The following OLFM3 variants were observed in gnomAD, a reference collection of about 807,000 sequenced individuals.
OLFM3 encodes noelin-3.
OLFM3 carries 20 observed loss-of-function variants against 48.6 expected under a neutral mutation model. The observed-to-expected ratio is 0.41, with a 90% CI of 0.29 to 0.60. The LOEUF (loss-of-function observed/expected upper bound fraction) is 0.60, where lower values mean the gene tolerates loss of function less well. OLFM3 is among the 20% of genes least tolerant of loss of function. OLFM3 has a pLI of 0.28. For missense variants in OLFM3, 437 were observed against 544.3 expected (o/e 0.80, Z 1.96); for synonymous variants, 222 against 198.1 (o/e 1.12, Z -1.01).
chr1:101,831,586 A>G (rs576838554), intron 2 of OLFM3, among the ~76,000 whole-genome samples: 1 of 152,332 alleles, frequency 6.6e-6, no homozygotes, highest in African/African-American at 2.4e-5. Context: ...GAAAACAAAG[A>G]GAAAGCATCT....
chr1:101,943,519 C>A lies in OLFM3; in HGVS notation c.69+53229G>T, dbSNP rs367951524. On this transcript the variant is annotated intron_variant, in intron 1 of 5. Transcript: ENST00000370103. ...TAACTTCAGGTACCTCCTTATTTCT[C>A]AAAAAATATACAAGTTAAACACAAG... 3.4e-4 allele frequency among the ~76,000 whole-genome samples: 52 copies of A among 152,228 alleles called. 1 individual carries two copies. The highest frequency in any genetic ancestry group is 1.2e-3 in the African/African-American group (51 of 41,524).
intron 1 of OLFM3, among the ~76,000 whole-genome samples, chr1:101,942,104 T>C (rs1043333245): frequency 2.0e-5 from 3 of 152,196 alleles, no homozygotes; most frequent in Non-Finnish European, 4.4e-5. Context: ...TAGCTATAAG[T>C]ATAAAAGCCC....
At chr1:101,915,805 T>C (rs1160639721) in intron 1 of OLFM3, among the ~76,000 whole-genome samples, 2 of 152,146 alleles carry the variant, frequency 1.3e-5, no homozygotes, top group Non-Finnish European at 2.9e-5. Context: ...AATAGATCAT[T>C]GTAATATCCT....
chr1:101,844,844 G>T (rs946048021), intron 1 of OLFM3, among the ~76,000 whole-genome samples: 1 of 152,128 alleles, frequency 6.6e-6, no homozygotes, highest in Non-Finnish European at 1.5e-5. Flanking sequence ...GCTAAAAATA[G>T]TATGAACATA....
chr1:101,960,410 T>C (rs115759374), intron 1 of OLFM3, among the ~76,000 whole-genome samples: 13 of 152,278 alleles, frequency 8.5e-5, no homozygotes, highest in Admixed American at 6.5e-4. Context: ...CAGAGGGTAA[T>C]CTAGGTCAAG....
At chr1:101,984,028 T>C (rs567119751) in intron 1 of OLFM3, among the ~76,000 whole-genome samples, 16 of 152,246 alleles carry the variant, frequency 1.1e-4, no homozygotes, top group African/African-American at 3.4e-4. Flanking sequence ...AGTGGGCAGA[T>C]CACTTGAGGT....
At position 101,802,866 on chromosome 1, in the gene OLFM3, T is replaced by C. The variant is rs1267512574; in HGVS notation, c.*1372A>G. The C allele has an allele frequency of 2.0e-5, 3 of 151,688 alleles. No individual in the cohort carries two copies. Among genetic ancestry groups the C allele is most frequent in the Non-Finnish European group, 3.0e-5 (2 of 67,728 alleles). The allele number at this position is 151,688 out of a possible 1,614,324, so 9.4% of individuals were successfully genotyped here. ...CTGCCTTAGGGAACTATTTTTTTAA[T>C]ATGTGGAAAATACATCCAAACTCAA... is the stretch of plus-strand genomic sequence containing the variant. On this transcript the variant is annotated 3_prime_UTR_variant, in exon 6 of 6. Transcript: ENST00000370103.
In OLFM3 at chr1:101,859,373, G is replaced by A. The variant is rs901314098; in HGVS notation, c.70-22348C>T. ...AGAGTAGTTAGGCGGCCATTTCAGC[G>A]TCAGCATAAGAAATAACAGAAAGAC... is the stretch of plus-strand genomic sequence containing the variant. On this transcript the variant is annotated intron_variant, in intron 1 of 5. Transcript: ENST00000370103. Among the ~76,000 whole-genome samples the A allele has an allele frequency of 8.5e-5, 13 of 152,152 alleles. 1 individual carries two copies. The highest frequency in any genetic ancestry group is 2.2e-4 in the African/African-American group (9 of 41,444).
chr1:101,884,126 T>A (rs72987980), intron 1 of OLFM3, among the ~76,000 whole-genome samples: 1,703 of 152,036 alleles, frequency 0.011, 23 homozygotes, highest in Middle Eastern at 0.027. Context: ...CTATGGACTT[T>A]CTGGAGCCCC....
chr1:101,976,556 A>G (rs563243656), intron 1 of OLFM3, among the ~76,000 whole-genome samples: 1 of 152,322 alleles, frequency 6.6e-6, no homozygotes, highest in East Asian at 1.9e-4. Context: ...TGTGTTTTAG[A>G]TACCGACAGA....
intron 1 of OLFM3, among the ~76,000 whole-genome samples, chr1:101,855,340 T>A (rs1656372481): frequency 6.6e-6 from 1 of 152,050 alleles, no homozygotes; most frequent in Admixed American, 6.6e-5. Flanking sequence ...GTGAAATATG[T>A]TCGCTGAAGT....
intron 1 of OLFM3, among the ~76,000 whole-genome samples, chr1:101,862,085 TAAG>T (rs1408991408): frequency 1.3e-5 from 2 of 152,160 alleles, no homozygotes; most frequent in East Asian, 3.9e-4. Flanking sequence ...AGGCCAGAGT[TAAG>T]AAGTGGACTC....
At chr1:101,958,543 T>A (rs1660368678) in intron 1 of OLFM3, among the ~76,000 whole-genome samples, 1 of 152,090 alleles carries the variant, frequency 6.6e-6, no homozygotes, top group Non-Finnish European at 1.5e-5. Flanking sequence ...GCATACAGAT[T>A]AGCTGCATCG....
chr1:101,910,219 C>T, intron 1 of OLFM3: 11 of 763,122 alleles, frequency 1.4e-5, no homozygotes, highest in Non-Finnish European at 1.8e-5. Context: ...GTAATCCCAG[C>T]ACTTTGGGAG....
intron 1 of OLFM3, among the ~76,000 whole-genome samples, chr1:101,982,483 A>T (rs565602022): frequency 7.9e-5 from 12 of 152,130 alleles, no homozygotes; most frequent in Admixed American, 1.3e-4. Context: ...GGTTAATTTT[A>T]TGTGTTAACT....
chr1:101,810,637 G>A (rs1226045590), intron 4 of OLFM3, among the ~76,000 whole-genome samples: 1 of 151,902 alleles, frequency 6.6e-6, no homozygotes, highest in Non-Finnish European at 1.5e-5. Context: ...GGAAGTAGAT[G>A]AAAATGGAAG....
chr1:101,854,124 C>A (rs1557703556), intron 1 of OLFM3, among the ~76,000 whole-genome samples: 1 of 150,848 alleles, frequency 6.6e-6, no homozygotes, highest in Non-Finnish European at 1.5e-5. Context: ...TGTTGTACAC[C>A]CTCAATAAAT....
chr1:101,806,211 G>C (rs368439922), intron 4 of OLFM3, 29 bp from the exon 5 acceptor site: 2 of 1,558,446 alleles, frequency 1.3e-6, no homozygotes, highest in African/African-American at 2.7e-5. Context: ...AAACGTGTTA[G>C]GTGAACGCAG....
intron 1 of OLFM3, among the ~76,000 whole-genome samples, chr1:101,888,232 C>G (rs1171018118): frequency 6.6e-6 from 1 of 152,094 alleles, no homozygotes; most frequent in Non-Finnish European, 1.5e-5. Flanking sequence ...AGGCATCACA[C>G]TACCTGACTT....
Sources: allele counts gnomAD v4.1 joint callset (sites outside exome capture counted in the v4.1 genomes callset), GRCh38; gene constraint gnomAD v4.1.1; transcripts MANE v1.5; gene names NCBI Gene and HGNC (gene_info 2026-07-23, HGNC 2026-07-21).